Variants in KSR1 observed in about 807,000 individuals in gnomAD.
KSR1 encodes kinase suppressor of ras.
A neutral mutation model predicts 92.9 loss-of-function variants in KSR1; 35 were observed. The observed-to-expected ratio is 0.38, with a 90% confidence interval of 0.29 to 0.50. The LOEUF is 0.50. Ranked by LOEUF, KSR1 falls within the 20% of genes least tolerant of loss-of-function variation. KSR1 has a pLI of 0.94. For missense variants in KSR1, 972 were observed against 1,158.5 expected (o/e 0.84, Z 2.34); for synonymous variants, 467 against 472.6 (o/e 0.99, Z 0.15).
intron 1 of KSR1, among the ~76,000 whole-genome samples, chr17:27,526,099 TC>T (rs1159088977): frequency 1.0e-4 from 14 of 139,536 alleles, no homozygotes; most frequent in African/African-American, 4.2e-4. Context: ...TTTCTTTCTC[TC>T]TCTCTCTCTC....
intron 1 of KSR1, among the ~76,000 whole-genome samples, chr17:27,484,103 A>G (rs2068594106): frequency 6.6e-6 from 1 of 152,208 alleles, no homozygotes; most frequent in Admixed American, 6.5e-5. Context: ...ATTTGCTGGA[A>G]GCAGACAGAG....
chr17:27,492,485 C>G (rs2068861010), intron 1 of KSR1, among the ~76,000 whole-genome samples: 1 of 152,320 alleles, frequency 6.6e-6, no homozygotes, highest in Non-Finnish European at 1.5e-5. Context: ...AATGTCAGCT[C>G]TGTGTCTGAG....
In KSR1 at chr17:27,611,751, G is replaced by T. The variant is rs1053014767; in HGVS notation, c.2493+122G>T. 4 of 1,121,336 alleles carry T rather than the reference G, an allele frequency of 3.6e-6. No homozygotes were observed. The South Asian group carries it at 5.8e-5, about 16-fold the overall frequency. The allele number at this position is 1,121,336 out of a possible 1,614,324, so 69.5% of individuals were successfully genotyped here. On this transcript the variant is annotated intron_variant, in intron 18 of 20. Transcript: ENST00000644974. ...CGGTGAGGAGCTCTGCCACCTGCAC[G>T]TGTCTAGCTAGAGATGAAAATGATA...
At chr17:27,569,415 T>C (rs1350816262) in intron 2 of KSR1, among the ~76,000 whole-genome samples, 1 of 152,210 alleles carries the variant, frequency 6.6e-6, no homozygotes, top group Non-Finnish European at 1.5e-5. Flanking sequence ...CTGCTGACTG[T>C]GTGCTGGGGG....
intron 18 of KSR1, chr17:27,613,111 C>T (rs1027312236): frequency 2.6e-5 from 4 of 152,246 alleles, no homozygotes; most frequent in East Asian, 3.8e-4. Flanking sequence ...ACACGAACAG[C>T]AGGCTCCTCT....
chr17:27,593,827 G>C (rs1034363113), intron 9 of KSR1, among the ~76,000 whole-genome samples: 7 of 152,226 alleles, frequency 4.6e-5, no homozygotes, highest in Non-Finnish European at 7.3e-5. Flanking sequence ...CTGGAGGCTG[G>C]GAAGATCAAG....
At chr17:27,578,321 A>C (rs957662819) in intron 3 of KSR1, 1 of 154,914 alleles carries the variant, frequency 6.5e-6, no homozygotes, top group African/African-American at 2.4e-5. Flanking sequence ...CTGAGGCTTA[A>C]GGAAGGCACC....
chr17:27,560,706 C>T (rs1260989799), intron 2 of KSR1, among the ~76,000 whole-genome samples: 3 of 152,200 alleles, frequency 2.0e-5, no homozygotes, highest in African/African-American at 7.2e-5. Flanking sequence ...GCATTTGGCT[C>T]CTGGGGTGCA....
chr17:27,568,814 G>C (rs1318607994), intron 2 of KSR1, among the ~76,000 whole-genome samples: 1 of 152,186 alleles, frequency 6.6e-6, no homozygotes, highest in Non-Finnish European at 1.5e-5. Flanking sequence ...TGAGGGGCAC[G>C]TCCTGTCCCT....
intron 15 of KSR1, among the ~76,000 whole-genome samples, chr17:27,608,539 A>G (rs949018645): frequency 1.4e-4 from 21 of 152,194 alleles, no homozygotes; most frequent in African/African-American, 4.6e-4. Context: ...CAAATAGAGC[A>G]TTGGTTAGAA....
At position 27,580,302 on chromosome 17, in the gene KSR1, G is replaced by A. The variant is rs61120509; in HGVS notation, c.521-2344G>A. Among the ~76,000 whole-genome samples, 289 of 152,278 alleles carry A rather than the reference G, an allele frequency of 1.9e-3. 1 individual carries two copies. Among genetic ancestry groups the A allele is most frequent in the African/African-American group, 5.4e-3 (225 of 41,558 alleles). ...ACAGTGTCAGTCATGGCTGTAGCTC[G>A]TAAGGAGCAAGCGGTATGGGAGCAC... On this transcript the variant is annotated intron_variant, in intron 3 of 20. Transcript: ENST00000644974.
chr17:27,591,402 C>T (rs1445231977), intron 7 of KSR1, among the ~76,000 whole-genome samples: 1 of 152,162 alleles, frequency 6.6e-6, no homozygotes, highest in East Asian at 1.9e-4. Context: ...CCCTGCTGTC[C>T]GGCTGTCCTC....
rs752216267 is a variant in KSR1 at position 27,583,006 on chromosome 17, G to T, written c.881G>T (p.Arg294Leu). Residue 294 changes from arginine (R) to leucine (L), a missense_variant, in exon 4 of 21, where the codon CGC becomes CTC. By Grantham distance (102) the Arg-to-Leu change is moderately radical. Coordinates refer to ENST00000644974, the MANE Select transcript of KSR1 (RefSeq NM_001394583.1). ...CCACGGACGCCCCCCCCACCCAGCCGCAAGGTCTTCCAGCTGCTGCCCAGC... is the reference window on the plus strand; with the variant it reads ...CCACGGACGCCCCCCCCACCCAGCCTCAAGGTCTTCCAGCTGCTGCCCAGC... Reference protein sequence around the residue: ...KPPRTPPPPSRKVFQLLPSFP... With the variant: ...KPPRTPPPPSLKVFQLLPSFP... The T allele has an allele frequency of 1.4e-6, 2 of 1,419,020 alleles. No homozygotes were observed. The highest frequency in any genetic ancestry group is 9.4e-7 in the Non-Finnish European group (1 of 1,065,774). The allele number at this position is 1,419,020 out of a possible 1,614,324, so 87.9% of individuals were successfully genotyped here.
chr17:27,584,473 G>A (rs995699080), intron 4 of KSR1, among the ~76,000 whole-genome samples: 8 of 152,172 alleles, frequency 5.3e-5, no homozygotes, highest in Non-Finnish European at 1.0e-4. Context: ...ACCCAGAAGG[G>A]GCTGTAGAAT....
At chr17:27,610,034 C>A (rs565050274) in intron 16 of KSR1, 33 bp from the exon 17 acceptor site, 3 of 1,612,038 alleles carry the variant, frequency 1.9e-6, no homozygotes, top group South Asian at 1.1e-5. Context: ...TGCTGAAAGG[C>A]CTGTGTCCTT....
chr17:27,474,343 G>A (rs1323037964), intron 1 of KSR1, among the ~76,000 whole-genome samples: 2 of 152,244 alleles, frequency 1.3e-5, no homozygotes, highest in African/African-American at 4.8e-5. Context: ...AGTCAGACCT[G>A]CTGTTCTTAC....
chr17:27,601,524 C>T, intron 11 of KSR1, 123 bp downstream of exon 11: 1 of 799,256 alleles, frequency 1.3e-6, no homozygotes, highest in Non-Finnish European at 2.0e-6. Flanking sequence ...TCCACCTGTT[C>T]TGAGAGCTGA....
At chr17:27,581,018 A>G (rs2072730593) in intron 3 of KSR1, among the ~76,000 whole-genome samples, 1 of 152,112 alleles carries the variant, frequency 6.6e-6, no homozygotes, top group African/African-American at 2.4e-5. Context: ...GCAGGACTGG[A>G]TAATTTATAT....
intron 2 of KSR1, among the ~76,000 whole-genome samples, chr17:27,567,615 C>T (rs2072133660): frequency 6.6e-6 from 1 of 152,310 alleles, no homozygotes; most frequent in South Asian, 2.1e-4. Context: ...TGTGACTTGG[C>T]GTCCCTTAGG....
Sources: allele counts gnomAD v4.1 joint callset (sites outside exome capture counted in the v4.1 genomes callset), GRCh38; gene constraint gnomAD v4.1.1; transcripts MANE v1.5; gene names NCBI Gene and HGNC (gene_info 2026-07-23, HGNC 2026-07-21).